The following PAMR1 variants were observed in gnomAD, a reference collection of about 807,000 sequenced individuals.
PAMR1 encodes inactive serine protease PAMR1.
Under a neutral mutation model 81.8 loss-of-function variants are expected in PAMR1, and 88 were observed. That is an observed-to-expected ratio of 1.08 (90% CI 0.91 to 1.28). The LOEUF (loss-of-function observed/expected upper bound fraction) is 1.28. Ranked by LOEUF, PAMR1 falls within the 50% of genes most tolerant of loss-of-function variation. The pLI is 0.00. For synonymous variants in PAMR1, 336 were observed against 345.3 expected, an observed-to-expected ratio of 0.97 and a Z score of 0.30; for missense variants, 935 against 919.7, an observed-to-expected ratio of 1.02 and a Z score of -0.21.
At chr11:35,468,312 T>C (rs1178075576) in intron 5 of PAMR1, among the ~76,000 whole-genome samples, 1 of 152,238 alleles carries the variant, frequency 6.6e-6, no homozygotes, top group Non-Finnish European at 1.5e-5. Context: ...TATTATTTGA[T>C]GTTTTTGAGG....
At chr11:35,478,036 G>A (rs1590355918) in intron 3 of PAMR1, among the ~76,000 whole-genome samples, 1 of 152,120 alleles carries the variant, frequency 6.6e-6, no homozygotes, top group African/African-American at 2.4e-5. Context: ...CAGCCTGTAA[G>A]GTGTTAAATC....
At chr11:35,494,327 C>CTTTGTTTG (rs375092119) in intron 1 of PAMR1, 55 bp from the exon 2 acceptor site, 127 of 1,448,832 alleles carry the variant, frequency 8.8e-5, no homozygotes, top group Admixed American at 7.3e-4. Context: ...TGGTAAGACT[C>CTTTGTTTG]TTTGTTTGTT....
chr11:35,518,399 A>G (rs1163907953), intron 1 of PAMR1, among the ~76,000 whole-genome samples: 2 of 151,746 alleles, frequency 1.3e-5, no homozygotes, highest in African/African-American at 4.8e-5. Flanking sequence ...AGGGAGGCTC[A>G]TGTTTCTTAG....
In PAMR1 at chr11:35,434,571, C is replaced by T; in HGVS notation, c.1567G>A (p.Val523Ile). The T allele has an allele frequency of 3.7e-6, 6 of 1,614,074 alleles. No individual in the cohort carries two copies. Among genetic ancestry groups the T allele is most frequent in the Non-Finnish European group, 5.1e-6 (6 of 1,180,014 alleles). Residue 523 changes from valine (V) to isoleucine (I), a missense_variant, in exon 10 of 11, where the codon GTT (valine) becomes ATT (isoleucine). Transcript: ENST00000619888. ...TMIKTADLKV[V>I]LGKFYRDDDR... Reference sequence around the variant, plus strand: ...TCATCCCGGTAGAATTTCCCCAAAACAACTTTCAGGTCTGCTGTCTTGATC... The same window carrying T: ...TCATCCCGGTAGAATTTCCCCAAAATAACTTTCAGGTCTGCTGTCTTGATC...
chr11:35,451,514 A>G (rs984163725), intron 6 of PAMR1, among the ~76,000 whole-genome samples: 1 of 152,222 alleles, frequency 6.6e-6, no homozygotes, highest in Non-Finnish European at 1.5e-5. Flanking sequence ...CAGAAAAGCT[A>G]TAATTAAATC....
chr11:35,441,207 G>T (rs1403261713), intron 7 of PAMR1, among the ~76,000 whole-genome samples: 1 of 152,000 alleles, frequency 6.6e-6, no homozygotes, highest in African/African-American at 2.4e-5. Context: ...ATTAAACTCA[G>T]CCCTGTCATC....
intron 3 of PAMR1, among the ~76,000 whole-genome samples, chr11:35,481,033 C>T (rs535699055): frequency 5.9e-5 from 9 of 152,192 alleles, no homozygotes; most frequent in Non-Finnish European, 1.0e-4. Flanking sequence ...AGGACATGAT[C>T]TCATTCCTTT....
intron 6 of PAMR1, among the ~76,000 whole-genome samples, chr11:35,449,170 G>A (rs1462486231): frequency 1.3e-5 from 2 of 152,204 alleles, no homozygotes; most frequent in Non-Finnish European, 2.9e-5. Context: ...GGCAGAGCAG[G>A]TGCACTGCAC....
chr11:35,513,648 T>C (rs998984636), intron 1 of PAMR1, among the ~76,000 whole-genome samples: 2 of 152,244 alleles, frequency 1.3e-5, no homozygotes, highest in Non-Finnish European at 1.5e-5. Flanking sequence ...ATTAAGTACC[T>C]TAATCAAGGT....
intron 3 of PAMR1, among the ~76,000 whole-genome samples, chr11:35,482,584 A>G (rs1173909): frequency 0.83 from 125,959 of 152,192 alleles, 52,256 homozygotes; most frequent in African/African-American, 0.83. Context: ...AATGTCAATG[A>G]TAGTTTGATG....
intron 3 of PAMR1, among the ~76,000 whole-genome samples, chr11:35,477,298 T>A (rs565124702): frequency 6.6e-6 from 1 of 152,330 alleles, no homozygotes; most frequent in Admixed American, 6.5e-5. Context: ...AAAAGGATGT[T>A]GATATTATCA....
chr11:35,473,705 G>C (rs1850231185), intron 4 of PAMR1, among the ~76,000 whole-genome samples: 1 of 152,180 alleles, frequency 6.6e-6, no homozygotes, highest in African/African-American at 2.4e-5. Context: ...GGAGGACAGA[G>C]AGACATTCAA....
At chr11:35,441,357 G>A (rs1349814687) in intron 7 of PAMR1, 124 bp downstream of exon 7, 5 of 712,646 alleles carry the variant, frequency 7.0e-6, no homozygotes, top group African/African-American at 1.8e-5. Context: ...AGAGATATAT[G>A]GTTTCAGAAA....
chr11:35,448,597 T>G (rs1030522162), intron 6 of PAMR1, among the ~76,000 whole-genome samples: 2 of 152,254 alleles, frequency 1.3e-5, no homozygotes, highest in African/African-American at 4.8e-5. Flanking sequence ...CTCCTTTAGC[T>G]CATCAAAGTT....
upstream of PAMR1, among the ~76,000 whole-genome samples, chr11:35,526,243 G>T (rs1219340996): frequency 6.6e-6 from 1 of 152,182 alleles, no homozygotes; most frequent in Non-Finnish European, 1.5e-5. Context: ...CTCTTCCTAT[G>T]ATCCCCGTCA....
chr11:35,439,734 A>G (rs1001194686), intron 7 of PAMR1, 41 bp from the exon 8 acceptor site: 1 of 1,526,524 alleles, frequency 6.6e-7, no homozygotes, highest in Admixed American at 1.7e-5. Flanking sequence ...CCTTTTCCAT[A>G]TTCACTGTTC....
intron 6 of PAMR1, among the ~76,000 whole-genome samples, chr11:35,442,589 CTTTTT>C (rs561367260): frequency 6.6e-6 from 1 of 151,004 alleles, no homozygotes; most frequent in East Asian, 1.9e-4. Flanking sequence ...TTTCTTTTTT[CTTTTT>C]TTTTCTTTTT....
intron 3 of PAMR1, among the ~76,000 whole-genome samples, chr11:35,476,963 A>G (rs1374133427): frequency 1.3e-5 from 2 of 152,006 alleles, no homozygotes; most frequent in African/African-American, 4.8e-5. Context: ...TCTTTCCTGT[A>G]AGAATTAAGC....
intron 1 of PAMR1, among the ~76,000 whole-genome samples, chr11:35,521,344 T>A (rs1851272948): frequency 6.6e-6 from 1 of 152,182 alleles, no homozygotes; most frequent in Non-Finnish European, 1.5e-5. Flanking sequence ...CCATTCACCA[T>A]CCAGCCTTCC....
Sources: allele counts gnomAD v4.1 joint callset (sites outside exome capture counted in the v4.1 genomes callset), GRCh38; gene constraint gnomAD v4.1.1; transcripts MANE v1.5; gene names NCBI Gene and HGNC (gene_info 2026-07-23, HGNC 2026-07-21).